RAD54L2: variants seen among roughly 807,000 people sequenced by gnomAD.
RAD54L2 encodes helicase ARIP4.
In RAD54L2, 27 loss-of-function variants were observed where a neutral mutation model predicts 138.4. The ratio of observed to expected loss-of-function variants is 0.20; its 90% confidence interval spans 0.14 to 0.27. The LOEUF (loss-of-function observed/expected upper bound fraction) is 0.27, where lower values mean the gene tolerates loss of function less well. Among genes scored for constraint, RAD54L2 ranks in the 10% least tolerant of loss-of-function variants. RAD54L2 has a pLI of 1.00. For synonymous variants in RAD54L2, 644 were observed against 723.2 expected (o/e 0.89, Z 1.76); for missense variants, 1,396 against 1,890.2 (o/e 0.74, Z 4.85).
intron 4 of RAD54L2, among the ~76,000 whole-genome samples, chr3:51,628,064 AT>A (rs1269317113): frequency 1.3e-5 from 2 of 151,836 alleles, no homozygotes; most frequent in Admixed American, 1.3e-4. Context: ...TTTTTCCTCT[AT>A]TTTTCCTTTT....
At chr3:51,630,225 G>A in intron 5 of RAD54L2, 47 bp from the exon 6 acceptor site, 6 of 1,464,788 alleles carry the variant, frequency 4.1e-6, no homozygotes, top group Non-Finnish European at 5.7e-6. Context: ...ATATGTTAGA[G>A]CCAAATGTGG....
At chr3:51,655,142 G>A (rs990993119) in intron 19 of RAD54L2, among the ~76,000 whole-genome samples, 1 of 152,062 alleles carries the variant, frequency 6.6e-6, no homozygotes, top group Non-Finnish European at 1.5e-5. Flanking sequence ...CAGCAGAGTG[G>A]TATAAAAGTG....
At chr3:51,546,785 T>C (rs1698707781) in intron 2 of RAD54L2, among the ~76,000 whole-genome samples, 1 of 152,090 alleles carries the variant, frequency 6.6e-6, no homozygotes, top group Admixed American at 6.6e-5. Context: ...TCCCAGCACT[T>C]TGGGAGGCTG....
At chr3:51,571,480 C>T (rs1265413999) in intron 2 of RAD54L2, among the ~76,000 whole-genome samples, 2 of 151,428 alleles carry the variant, frequency 1.3e-5, no homozygotes, top group Non-Finnish European at 2.9e-5. Flanking sequence ...TAACCTTCGC[C>T]TCCCGGGTTC....
chr3:51,578,642 G>T (rs887871815), intron 2 of RAD54L2, among the ~76,000 whole-genome samples: 2 of 152,182 alleles, frequency 1.3e-5, no homozygotes, highest in African/African-American at 2.4e-5. Context: ...CATCGTGGGA[G>T]GGGGAGCACT....
intron 2 of RAD54L2, among the ~76,000 whole-genome samples, chr3:51,544,611 T>C (rs1358624752): frequency 6.6e-6 from 1 of 151,934 alleles, no homozygotes; most frequent in Admixed American, 6.6e-5. Flanking sequence ...AATGACTTGA[T>C]TGATTGATTG....
At chr3:51,618,773 G>A (rs1049541708) in intron 3 of RAD54L2, among the ~76,000 whole-genome samples, 9 of 152,130 alleles carry the variant, frequency 5.9e-5, no homozygotes, top group Admixed American at 5.9e-4. Flanking sequence ...AGTTACTGTG[G>A]CCAGAGAGTG....
chr3:51,627,291 T>C (rs1427630034), intron 3 of RAD54L2, among the ~76,000 whole-genome samples: 1 of 152,196 alleles, frequency 6.6e-6, no homozygotes, highest in Non-Finnish European at 1.5e-5. Context: ...TAGTGATGGC[T>C]ATCATTTGTT....
intron 3 of RAD54L2, among the ~76,000 whole-genome samples, chr3:51,619,312 C>T (rs983561439): frequency 6.6e-6 from 1 of 152,210 alleles, no homozygotes; most frequent in Non-Finnish European, 1.5e-5. Context: ...CTGCCTTGGC[C>T]TCCCAAAGTG....
chr3:51,658,856 T>G (rs1349991057), intron 21 of RAD54L2, among the ~76,000 whole-genome samples: 1 of 152,138 alleles, frequency 6.6e-6, no homozygotes, highest in Non-Finnish European at 1.5e-5. Context: ...AAATCTAGCC[T>G]GCTACCTGTT....
At chr3:51,574,136 G>A (rs2106671304) in intron 2 of RAD54L2, among the ~76,000 whole-genome samples, 1 of 152,064 alleles carries the variant, frequency 6.6e-6, no homozygotes, top group East Asian at 1.9e-4. Flanking sequence ...CAGAATGATG[G>A]TTTCCAGCTT....
intron 3 of RAD54L2, among the ~76,000 whole-genome samples, chr3:51,598,323 C>T (rs1700015599): frequency 6.6e-6 from 1 of 152,008 alleles, no homozygotes; most frequent in South Asian, 2.1e-4. Flanking sequence ...TTTTACCTGC[C>T]CCAAGGCAGG....
At chr3:51,619,952 T>C (rs1030857128) in intron 3 of RAD54L2, among the ~76,000 whole-genome samples, 2 of 152,160 alleles carry the variant, frequency 1.3e-5, no homozygotes, top group African/African-American at 4.8e-5. Context: ...TCCTCTGTAT[T>C]TTTGTAAACT....
intron 3 of RAD54L2, among the ~76,000 whole-genome samples, chr3:51,624,699 G>T (rs757859036): frequency 2.6e-5 from 4 of 152,210 alleles, no homozygotes; most frequent in Non-Finnish European, 4.4e-5. Context: ...CACTCCATCA[G>T]TCTGGCTCCA....
chr3:51,605,181 C>G (rs780356115), intron 3 of RAD54L2, among the ~76,000 whole-genome samples: 162 of 151,712 alleles, frequency 1.1e-3, no homozygotes, highest in Non-Finnish European at 2.0e-3. Context: ...CCTCCGCCTC[C>G]TGGGTTCAAG....
At chr3:51,569,273 C>T (rs1298048681) in intron 2 of RAD54L2, among the ~76,000 whole-genome samples, 1 of 152,182 alleles carries the variant, frequency 6.6e-6, no homozygotes, top group East Asian at 1.9e-4. Flanking sequence ...TAACCACATT[C>T]CTCTCAAGGC....
chr3:51,549,839 C>T (rs571893048), intron 2 of RAD54L2, among the ~76,000 whole-genome samples: 1 of 151,810 alleles, frequency 6.6e-6, no homozygotes, highest in East Asian at 1.9e-4. Flanking sequence ...TTGAGCTCTG[C>T]TGTCATTGTG....
At chr3:51,621,185 G>C (rs2106779690) in intron 3 of RAD54L2, among the ~76,000 whole-genome samples, 1 of 152,298 alleles carries the variant, frequency 6.6e-6, no homozygotes, top group African/African-American at 2.4e-5. Context: ...TGAAGCACTT[G>C]AAAGACATGT....
chr3:51,547,532 A>G (rs1388502449), intron 2 of RAD54L2, among the ~76,000 whole-genome samples: 1 of 152,068 alleles, frequency 6.6e-6, no homozygotes, highest in Non-Finnish European at 1.5e-5. Flanking sequence ...TTACTGTGAT[A>G]AGCATACTTT....
Sources: allele counts gnomAD v4.1 joint callset (sites outside exome capture counted in the v4.1 genomes callset), GRCh38; gene constraint gnomAD v4.1.1; transcripts MANE v1.5; gene names NCBI Gene and HGNC (gene_info 2026-07-23, HGNC 2026-07-21).